Variants in SLC5A3 observed in about 807,000 individuals in gnomAD.
The protein encoded by SLC5A3 is solute carrier family 5 member 3.
In SLC5A3, 10 loss-of-function variants were observed where a neutral mutation model predicts 43.2. That is an observed-to-expected ratio of 0.23 (90% CI 0.14 to 0.39). The LOEUF is 0.39. Ranked by LOEUF, SLC5A3 falls within the 10% of genes least tolerant of loss-of-function variation. The pLI, the probability that SLC5A3 is intolerant of heterozygous loss-of-function variation, is 1.00. For synonymous variants in SLC5A3, 349 were observed against 322.0 expected, an observed-to-expected ratio of 1.08 and a Z score of -0.90; for missense variants, 608 against 893.4, an observed-to-expected ratio of 0.68 and a Z score of 4.07.
In SLC5A3 at chr21:34,095,318, C is replaced by G; in HGVS notation, c.120C>G (p.Phe40Leu). 6.2e-7 allele frequency: 1 copy of G among 1,614,090 alleles called. No individual in the cohort carries two copies. Among genetic ancestry groups the G allele is most frequent in the Non-Finnish European group, 8.5e-7 (1 of 1,179,988 alleles). Residue 40 changes from phenylalanine (F) to leucine (L), a missense_variant, in exon 2 of 2, where the codon TTC becomes TTG. By Grantham distance (22) the Phe-to-Leu change is conservative (BLOSUM62 0). This residue lies in a region of SLC5A3 where 398 missense variants were observed against 668.6 expected (regional missense o/e 0.60). Coordinates refer to ENST00000381151, the MANE Select transcript of SLC5A3 (RefSeq NM_006933.7). The part of the protein sequence containing the change: ...KSNRSTVSGY[F>L]LAGRSMTWVA... ...ATAGAAGCACCGTGAGTGGATACTT[C>G]CTGGCGGGGCGCTCTATGACCTGGG... is the stretch of plus-strand genomic sequence containing the variant.
rs1332222837 is a variant in SLC5A3 at position 34,105,727 on chromosome 21, C to G, written c.*8372C>G. The G allele has an allele frequency of 1.0e-6, 1 of 997,906 alleles. No homozygotes were observed. Among genetic ancestry groups the G allele is most frequent in the Non-Finnish European group, 1.2e-6 (1 of 828,096 alleles). The allele number at this position is 997,906 out of a possible 1,614,324, so 61.8% of individuals were successfully genotyped here. On this transcript the variant is annotated 3_prime_UTR_variant, in exon 2 of 2. Coordinates refer to ENST00000381151, the MANE Select transcript of SLC5A3 (RefSeq NM_006933.7). ...GAATTGTAAATGGATTTCCAGTTTA[C>G]CTTCTGTTGTCTACAGCTTTTTTAA...
In SLC5A3 at chr21:34,103,392, G is replaced by C; in HGVS notation, c.*6037G>C. 1.0e-6 allele frequency: 1 copy of C among 995,788 alleles called. No individual in the cohort carries two copies. The highest frequency in any genetic ancestry group is 1.2e-6 in the Non-Finnish European group (1 of 827,600). The allele number at this position is 995,788 out of a possible 1,614,324, so 61.7% of individuals were successfully genotyped here. A position where few individuals can be genotyped will look rare whatever the true frequency, so the allele number is the denominator to read the frequency against. ...TATTTAGGTTCAGTGAAACCAGGTAGTTCTGTATTTGTGTTGTAGCCTAAA... is the reference window on the plus strand; with the variant it reads ...TATTTAGGTTCAGTGAAACCAGGTACTTCTGTATTTGTGTTGTAGCCTAAA... On this transcript the variant is annotated 3_prime_UTR_variant, in exon 2 of 2. Coordinates refer to ENST00000381151, the MANE Select transcript of SLC5A3 (RefSeq NM_006933.7).
At position 34,095,130 on chromosome 21, in the gene SLC5A3, G is replaced by C; in HGVS notation, c.-69G>C. On this transcript the variant is annotated 5_prime_UTR_variant, in exon 2 of 2. Transcript: ENST00000381151. ...ACGTATGGTTTACAGACTTGGCTGG[G>C]GTTACTAAAAATAAATAAAAAGTTG... 1 of 1,537,412 alleles carries C rather than the reference G, an allele frequency of 6.5e-7. No individual in the cohort carries two copies. The highest frequency in any genetic ancestry group is 1.3e-5 in the South Asian group (1 of 77,294).
intron 1 of SLC5A3, among the ~76,000 whole-genome samples, chr21:34,081,162 GTTTTACAAGGATC>G (rs1006697995): frequency 6.6e-6 from 1 of 152,114 alleles, no homozygotes; most frequent in African/African-American, 2.4e-5. Flanking sequence ...TATGTGGAGT[GTTTTACAAGGATC>G]TTTTAAACTT....
chr21:34,075,592 C>T (rs1989310021), intron 1 of SLC5A3, among the ~76,000 whole-genome samples: 1 of 152,156 alleles, frequency 6.6e-6, no homozygotes. Flanking sequence ...AGGTGAACTG[C>T]CTCTTGGAGA....
intron 1 of SLC5A3, among the ~76,000 whole-genome samples, chr21:34,089,616 G>A (rs1978577003): frequency 6.6e-6 from 1 of 152,086 alleles, no homozygotes; most frequent in Non-Finnish European, 1.5e-5. Flanking sequence ...GATTTTATTT[G>A]AGGAAATGGT....
Position 34,073,596 on chromosome 21 carries a change from C to A in SLC5A3, c.-486C>A. 2.0e-6 allele frequency: 2 copies of A among 998,408 alleles called. No individual in the cohort carries two copies. Among genetic ancestry groups the A allele is most frequent in the Non-Finnish European group, 2.9e-6 (2 of 692,778 alleles). 61.8% of individuals were successfully genotyped at this position (998,408 alleles called of 1,614,324 possible). Reference sequence around the variant, plus strand: ...GGACCGTGCTTTCGCCGCCTGGGAGCCGTCCGGCGCAGCAGTTTCTAGGTC... The same window carrying A: ...GGACCGTGCTTTCGCCGCCTGGGAGACGTCCGGCGCAGCAGTTTCTAGGTC... On this transcript the variant is annotated 5_prime_UTR_variant, in exon 1 of 2. Transcript: ENST00000381151.
rs1264207698 is a variant in SLC5A3 at position 34,100,296 on chromosome 21, A to C, written c.*2941A>C. On this transcript the variant is annotated 3_prime_UTR_variant, in exon 2 of 2. Coordinates refer to ENST00000381151, the MANE Select transcript of SLC5A3 (RefSeq NM_006933.7). ...AGAAGGGCATATTACATTGGTATGCAGGATGATTATTGCATATTTTGTGGG... is the reference window on the plus strand; with the variant it reads ...AGAAGGGCATATTACATTGGTATGCCGGATGATTATTGCATATTTTGTGGG... The C allele has an allele frequency of 9.0e-6, 9 of 1,000,234 alleles. No homozygotes were observed. The highest frequency in any genetic ancestry group is 1.1e-5 in the Non-Finnish European group (9 of 829,946). 62.0% of individuals were successfully genotyped at this position (1,000,234 alleles called of 1,614,324 possible). A position where few individuals can be genotyped will look rare whatever the true frequency, so the allele number is the denominator to read the frequency against.
In SLC5A3 at chr21:34,104,140, T is replaced by C. The variant is rs2148662510; in HGVS notation, c.*6785T>C. The C allele has an allele frequency of 1.0e-6, 1 of 999,970 alleles. No individual in the cohort carries two copies. The allele number at this position is 999,970 out of a possible 1,614,324, so 61.9% of individuals were successfully genotyped here. ...AGTTACCTTTATTTTTTTCCTATAC[T>C]TGACTGTGCTTCATTTTAATAAAGG... On this transcript the variant is annotated 3_prime_UTR_variant, in exon 2 of 2. Coordinates refer to ENST00000381151, the MANE Select transcript of SLC5A3 (RefSeq NM_006933.7).
Position 34,100,563 on chromosome 21 carries a change from A to C in SLC5A3, c.*3208A>C. 1.0e-6 allele frequency: 1 copy of C among 1,000,272 alleles called. No homozygotes were observed. Among genetic ancestry groups the C allele is most frequent in the African/African-American group, 1.7e-5 (1 of 57,358 alleles). 62.0% of individuals were successfully genotyped at this position (1,000,272 alleles called of 1,614,324 possible). A position where few individuals can be genotyped will look rare whatever the true frequency, so the allele number is the denominator to read the frequency against. On this transcript the variant is annotated 3_prime_UTR_variant, in exon 2 of 2. Coordinates refer to ENST00000381151, the MANE Select transcript of SLC5A3 (RefSeq NM_006933.7). ...CAAAGGATCCATTGTATTTTGGCAC[A>C]AAGAGCCTGGCCAGGGTCATGTAGC... is the stretch of plus-strand genomic sequence containing the variant.
intron 1 of SLC5A3, among the ~76,000 whole-genome samples, 159 bp downstream of exon 1, chr21:34,073,904 G>T (rs1038552146): frequency 3.4e-5 from 5 of 145,502 alleles, no homozygotes; most frequent in Non-Finnish European, 7.6e-5. Context: ...CGCGGGAAGG[G>T]GGCGCGCGTG....
At chr21:34,087,636 A>T (rs118076357) in intron 1 of SLC5A3, among the ~76,000 whole-genome samples, 8,192 of 152,258 alleles carry the variant, frequency 0.054, 317 homozygotes, top group Non-Finnish European at 0.079. Context: ...AGGAGAGGAG[A>T]CAGGTCTTGT....
intron 1 of SLC5A3, among the ~76,000 whole-genome samples, chr21:34,082,224 T>G (rs1042947916): frequency 1.2e-4 from 18 of 152,222 alleles, no homozygotes; most frequent in African/African-American, 4.3e-4. Context: ...GCCCACCTTG[T>G]TAATTGGTCA....
At chr21:34,073,797 C>G (rs759284735) in intron 1 of SLC5A3, 52 bp downstream of exon 1, 15 of 1,362,722 alleles carry the variant, frequency 1.1e-5, no homozygotes, top group African/African-American at 1.5e-5. Flanking sequence ...CCCCCGCTGC[C>G]GCTAGGCCGC....
intron 1 of SLC5A3, among the ~76,000 whole-genome samples, chr21:34,080,560 A>AACT (rs1989435881): frequency 1.3e-5 from 2 of 152,238 alleles, no homozygotes; most frequent in Admixed American, 1.3e-4. Flanking sequence ...CTCATTTGGT[A>AACT]CATTAAACAA....
Position 34,096,104 on chromosome 21 carries a change from T to C in SLC5A3, c.906T>C (p.Ala302=). The stretch of plus-strand genomic sequence containing the variant: ...ATGCCAAAGGCTCTACTCTTATGGC[T>C]GGCTTCTTAAAGCTCCTGCCAATGT... ...IAHAKGSTLM[A]GFLKLLPMFI... is the part of the protein sequence containing the mutation. Residue 302 remains alanine, a synonymous_variant, in exon 2 of 2, where the codon GCT becomes GCC. Coordinates refer to ENST00000381151, the MANE Select transcript of SLC5A3 (RefSeq NM_006933.7). This position sits in a 1 kb window ranked among gnomAD's most constrained non-coding sequence, Gnocchi z 5.9. 1 of 1,614,154 alleles carries C rather than the reference T, an allele frequency of 6.2e-7. No homozygotes were observed. Among genetic ancestry groups the C allele is most frequent in the Middle Eastern group, 1.6e-4 (1 of 6,062 alleles).
Position 34,098,266 on chromosome 21 carries a change from T to C in SLC5A3, c.*911T>C. 1 of 1,000,070 alleles carries C rather than the reference T, an allele frequency of 1.0e-6. No homozygotes were observed. Among genetic ancestry groups the C allele is most frequent in the Non-Finnish European group, 1.2e-6 (1 of 829,934 alleles). 61.9% of individuals were successfully genotyped at this position (1,000,070 alleles called of 1,614,324 possible). A position where few individuals can be genotyped will look rare whatever the true frequency, so the allele number is the denominator to read the frequency against. On this transcript the variant is annotated 3_prime_UTR_variant, in exon 2 of 2. Coordinates refer to ENST00000381151, the MANE Select transcript of SLC5A3 (RefSeq NM_006933.7). ...TAATTTTCTAGCTTTATTCTTGTTA[T>C]TTGGAAAAATTATTAGCCAAATGCC...
At position 34,103,333 on chromosome 21, in the gene SLC5A3, A is replaced by G; in HGVS notation, c.*5978A>G. Reference sequence around the variant, plus strand: ...AAGGAAGTAAAAAAAAAAAAAAAACATGCATTACATTGACATACTTTATGT... The same window carrying G: ...AAGGAAGTAAAAAAAAAAAAAAAACGTGCATTACATTGACATACTTTATGT... On this transcript the variant is annotated 3_prime_UTR_variant, in exon 2 of 2. Transcript: ENST00000381151. The G allele has an allele frequency of 1.0e-6, 1 of 965,720 alleles. No homozygotes were observed. The highest frequency in any genetic ancestry group is 1.2e-6 in the Non-Finnish European group (1 of 801,146). The allele number at this position is 965,720 out of a possible 1,614,324, so 59.8% of individuals were successfully genotyped here.
Position 34,102,893 on chromosome 21 carries a change from A to G in SLC5A3, c.*5538A>G, listed in dbSNP as rs777168574. 1.0e-4 allele frequency: 102 copies of G among 999,692 alleles called. No homozygotes were observed. Among genetic ancestry groups the G allele is most frequent in the Non-Finnish European group, 1.2e-4 (99 of 829,932 alleles). The allele number at this position is 999,692 out of a possible 1,614,324, so 61.9% of individuals were successfully genotyped here. A position where few individuals can be genotyped will look rare whatever the true frequency, so the allele number is the denominator to read the frequency against. ...AATACATATTACAGTGAATTCGACA[A>G]CCGCACAAGTTGGCAGTAGGTATCC... On this transcript the variant is annotated 3_prime_UTR_variant, in exon 2 of 2. Transcript: ENST00000381151.
Sources: gnomAD v4.1 joint callset for allele counts (sites outside exome capture counted in the v4.1 genomes callset) on GRCh38, gnomAD v4.1.1 for gene constraint, gnomAD v4.1.1 regional missense constraint, Gnocchi (gnomAD v3.1) non-coding constraint, MANE v1.5 for transcripts, NCBI Gene and HGNC (gene_info 2026-07-23, HGNC 2026-07-21) for gene names.